Variants in NRG1 observed in about 807,000 individuals in gnomAD.
NRG1 encodes the protein neuregulin 1.
Under a neutral mutation model 63.8 loss-of-function variants are expected in NRG1, and 18 were observed. The ratio of observed to expected loss-of-function variants is 0.28; its 90% CI spans 0.19 to 0.42. The LOEUF (loss-of-function observed/expected upper bound fraction) is 0.42. Among genes scored for constraint, NRG1 ranks in the 10% least tolerant of loss-of-function variants. The probability of loss-of-function intolerance (pLI) is 1.00; values close to 1 mark genes in which losing one functional copy is unlikely to be tolerated. For missense variants in NRG1, 762 were observed against 814.7 expected (o/e 0.94, Z 0.79); for synonymous variants, 302 against 301.3 (o/e 1.00, Z -0.02).
intron 1 of NRG1, chr8:32,287,468 C>G (rs960826498): frequency 2.0e-5 from 3 of 152,210 alleles, no homozygotes; most frequent in African/African-American, 4.8e-5. Flanking sequence ...TTTCAACCAC[C>G]ATGGCTTAGA....
At chr8:32,508,939 TG>T (rs1163967316) in intron 1 of NRG1, among the ~76,000 whole-genome samples, 1 of 151,898 alleles carries the variant, frequency 6.6e-6, no homozygotes, top group Non-Finnish European at 1.5e-5. Flanking sequence ...CTCACCATGT[TG>T]GCAACGCTAG....
downstream of NRG1, among the ~76,000 whole-genome samples, chr8:32,771,718 ATATAT>A (rs1831817523): frequency 1.6e-5 from 2 of 126,632 alleles, no homozygotes; most frequent in South Asian, 2.6e-4. Flanking sequence ...AAAAAAAAAT[ATATAT>A]ATATATATAT....
intron 1 of NRG1, among the ~76,000 whole-genome samples, chr8:32,298,599 A>G (rs1026250818): frequency 6.6e-6 from 1 of 151,766 alleles, no homozygotes; most frequent in Non-Finnish European, 1.5e-5. Context: ...CTGTAATCCT[A>G]GCTACTCGAA....
intron 1 of NRG1, among the ~76,000 whole-genome samples, chr8:31,787,413 A>G (rs1485283279): frequency 6.6e-6 from 1 of 152,182 alleles, no homozygotes; most frequent in African/African-American, 2.4e-5. Context: ...ATTACCCTGC[A>G]TATAGACATG....
intron 5 of NRG1, among the ~76,000 whole-genome samples, chr8:32,627,610 C>T (rs1307224107): frequency 2.0e-5 from 3 of 152,106 alleles, no homozygotes; most frequent in Non-Finnish European, 4.4e-5. Flanking sequence ...ACCCAGCTTG[C>T]AATTTCCTGA....
chr8:31,702,087 C>T (rs1810685523), intron 1 of NRG1, among the ~76,000 whole-genome samples: 2 of 152,188 alleles, frequency 1.3e-5, no homozygotes, highest in African/African-American at 4.8e-5. Flanking sequence ...AGGAGATTCT[C>T]TGGAGTTTTT....
At chr8:31,858,722 G>A (rs1203800833) in intron 1 of NRG1, among the ~76,000 whole-genome samples, 1 of 152,168 alleles carries the variant, frequency 6.6e-6, no homozygotes, top group Non-Finnish European at 1.5e-5. Context: ...GCAAATCAGT[G>A]CGATGTAGTG....
At chr8:31,667,284 A>G (rs902777438) in intron 1 of NRG1, among the ~76,000 whole-genome samples, 6 of 152,228 alleles carry the variant, frequency 3.9e-5, no homozygotes, top group African/African-American at 1.2e-4. Context: ...AATCTAATAC[A>G]GAAGATGGAT....
At chr8:32,640,496 C>T (rs915390503) in intron 5 of NRG1, among the ~76,000 whole-genome samples, 1 of 151,998 alleles carries the variant, frequency 6.6e-6, no homozygotes, top group Non-Finnish European at 1.5e-5. Flanking sequence ...ATGGAGCTGA[C>T]ATTCTGGTAT....
chr8:32,177,397 G>A (rs1006411712), intron 1 of NRG1, among the ~76,000 whole-genome samples: 7 of 151,932 alleles, frequency 4.6e-5, no homozygotes, highest in Admixed American at 1.3e-4. Context: ...GTTAATGGGT[G>A]CAGCACACCG....
intron 5 of NRG1, among the ~76,000 whole-genome samples, chr8:32,676,305 C>A (rs1807097288): frequency 6.6e-6 from 1 of 152,188 alleles, no homozygotes; most frequent in South Asian, 2.1e-4. Context: ...TGGACCACAA[C>A]AGGTGGCCAT....
At chr8:32,537,726 T>C (rs1174868312) in intron 1 of NRG1, among the ~76,000 whole-genome samples, 1 of 152,206 alleles carries the variant, frequency 6.6e-6, no homozygotes, top group Admixed American at 6.5e-5. Flanking sequence ...CAGTCAATAT[T>C]ATAATCCTCA....
chr8:32,671,760 C>A (rs1805692293), intron 5 of NRG1, among the ~76,000 whole-genome samples: 1 of 152,034 alleles, frequency 6.6e-6, no homozygotes, highest in African/African-American at 2.4e-5. Flanking sequence ...GAAATGTCTC[C>A]ATAAATAAGC....
intron 5 of NRG1, among the ~76,000 whole-genome samples, chr8:32,714,318 G>A (rs1818622501): frequency 6.6e-6 from 1 of 152,196 alleles, no homozygotes; most frequent in Non-Finnish European, 1.5e-5. Context: ...AAATGGCCAA[G>A]TAGGTGTTTA....
intron 1 of NRG1, among the ~76,000 whole-genome samples, chr8:32,398,737 A>G (rs951583234): frequency 6.6e-6 from 1 of 151,962 alleles, no homozygotes; most frequent in Non-Finnish European, 1.5e-5. Flanking sequence ...TAGAACATCC[A>G]TTGTGGTAGC....
intron 1 of NRG1, among the ~76,000 whole-genome samples, chr8:32,430,901 C>A (rs970135528): frequency 1.3e-5 from 2 of 151,592 alleles, no homozygotes; most frequent in Non-Finnish European, 1.5e-5. Context: ...AAATAGGTAC[C>A]AGGAATATGA....
At chr8:31,851,632 A>C (rs2129609107) in intron 1 of NRG1, among the ~76,000 whole-genome samples, 1 of 152,020 alleles carries the variant, frequency 6.6e-6, no homozygotes. Context: ...TTATACTTTA[A>C]GTTTTAGGGT....
At chr8:31,966,561 A>G (rs968308886) in intron 1 of NRG1, among the ~76,000 whole-genome samples, 2 of 152,302 alleles carry the variant, frequency 1.3e-5, no homozygotes, top group East Asian at 3.9e-4. Flanking sequence ...CATTTATCCT[A>G]TTATCCCTGA....
chr8:31,947,368 A>G (rs1290497829), intron 1 of NRG1, among the ~76,000 whole-genome samples: 1 of 151,654 alleles, frequency 6.6e-6, no homozygotes, highest in Non-Finnish European at 1.5e-5. Context: ...CTTCTCTTCC[A>G]ATCTTTAGCT....
Sources: allele counts gnomAD v4.1 joint callset (sites outside exome capture counted in the v4.1 genomes callset), GRCh38; gene constraint gnomAD v4.1.1; transcripts MANE v1.5; gene names NCBI Gene and HGNC (gene_info 2026-07-23, HGNC 2026-07-21).